TNRC6C: variants seen among roughly 807,000 people sequenced by gnomAD.
The protein encoded by TNRC6C is trinucleotide repeat-containing gene 6C protein.
TNRC6C carries 20 observed loss-of-function variants against 153.7 expected under a neutral mutation model. The ratio of observed to expected loss-of-function variants is 0.13; its 90% CI spans 0.09 to 0.19. TNRC6C has a LOEUF of 0.19. Among genes scored for constraint, TNRC6C ranks in the 10% least tolerant of loss-of-function variants. The probability of loss-of-function intolerance (pLI) is 1.00; values close to 1 mark genes in which losing one functional copy is unlikely to be tolerated. For synonymous variants in TNRC6C, 811 were observed against 841.4 expected, an observed-to-expected ratio of 0.96 and a Z score of 0.63; for missense variants, 1,987 against 2,172.0, an observed-to-expected ratio of 0.91 and a Z score of 1.69.
At chr17:78,091,633 G>A (rs1442456640) in intron 14 of TNRC6C, 26 bp downstream of exon 16, 2 of 1,464,364 alleles carry the variant, frequency 1.4e-6, no homozygotes, top group East Asian at 5.2e-5. Flanking sequence ...GATGCCTGTG[G>A]TGGGATCACT....
intron 2 of TNRC6C, among the ~76,000 whole-genome samples, chr17:78,033,486 A>G (rs2072113975): frequency 6.6e-6 from 1 of 152,198 alleles, no homozygotes; most frequent in South Asian, 2.1e-4. Context: ...CCTGACCAAC[A>G]TGGAGAAACC....
chr17:78,059,673 C>A (rs781321722), intron 3 of TNRC6C, among the ~76,000 whole-genome samples: 1 of 151,882 alleles, frequency 6.6e-6, no homozygotes, highest in Non-Finnish European at 1.5e-5. Flanking sequence ...CCTAGTGAGA[C>A]CCACGTCTCT....
At chr17:77,966,774 G>A (rs1011588508) in intron 1 of TNRC6C, among the ~76,000 whole-genome samples, 2 of 152,096 alleles carry the variant, frequency 1.3e-5, no homozygotes, top group African/African-American at 4.8e-5. Flanking sequence ...AATGAAATCA[G>A]ATTTTCTTAG....
rs768053318 is a variant in TNRC6C at position 78,093,786 on chromosome 17, C to T, written c.4306+23C>T. 8 of 1,613,140 alleles carry T rather than the reference C, an allele frequency of 5.0e-6. No individual in the cohort carries two copies. In the East Asian group the frequency reaches 1.3e-4, roughly 27 times the overall value. On this transcript the variant is annotated intron_variant, in intron 16 of 19. Coordinates refer to ENST00000301624, the Ensembl canonical transcript of TNRC6C. Reference sequence around the variant, plus strand: ...GAGGTGAGGGTGCTGCTCTTCCTGCCTCTGCATGGACGGTCTCTCTAGACC... The same window carrying T: ...GAGGTGAGGGTGCTGCTCTTCCTGCTTCTGCATGGACGGTCTCTCTAGACC...
chr17:77,981,683 A>G (rs906196529), intron 1 of TNRC6C, among the ~76,000 whole-genome samples: 3 of 152,218 alleles, frequency 2.0e-5, no homozygotes, highest in African/African-American at 7.2e-5. Context: ...ATAATGTTCA[A>G]AGACAGCAAA....
At chr17:78,042,764 ATGGTGGTGGTGCTGATGG>A in intron 2 of TNRC6C, among the ~76,000 whole-genome samples, 1 of 151,698 alleles carries the variant, frequency 6.6e-6, no homozygotes, top group African/African-American at 2.4e-5. Flanking sequence ...GGTGGTGATC[ATGGTGGTGGTGCTGATGG>A]TGGTGGTGGT....
At chr17:78,035,065 C>CT (rs748967902) in intron 2 of TNRC6C, among the ~76,000 whole-genome samples, 12 of 152,190 alleles carry the variant, frequency 7.9e-5, no homozygotes, top group Admixed American at 1.3e-4. Context: ...ACTAGTCCTT[C>CT]CATTTCTCAT....
At chr17:77,962,782 T>G (rs922015771) in intron 1 of TNRC6C, among the ~76,000 whole-genome samples, 2 of 152,222 alleles carry the variant, frequency 1.3e-5, no homozygotes, top group African/African-American at 4.8e-5. Flanking sequence ...CTTCAAATAT[T>G]TTAGGTGAGA....
chr17:78,062,511 T>C (rs1015923829), intron 3 of TNRC6C, among the ~76,000 whole-genome samples: 2 of 152,264 alleles, frequency 1.3e-5, no homozygotes, highest in Non-Finnish European at 2.9e-5. Context: ...CACAGTCACA[T>C]GCTTGCTACA....
At chr17:78,019,685 TTAA>T (rs2071796284) in intron 1 of TNRC6C, among the ~76,000 whole-genome samples, 3 of 152,208 alleles carry the variant, frequency 2.0e-5, no homozygotes, top group African/African-American at 7.2e-5. Flanking sequence ...GGTTGCTATC[TTAA>T]TATTTCTTAA....
chr17:78,063,952 T>A (rs1174581164), intron 3 of TNRC6C, among the ~76,000 whole-genome samples: 1 of 152,226 alleles, frequency 6.6e-6, no homozygotes, highest in Non-Finnish European at 1.5e-5. Flanking sequence ...CCCTACTATG[T>A]TGCAAATGCT....
intron 1 of TNRC6C, among the ~76,000 whole-genome samples, chr17:77,998,824 G>A (rs1040266436): frequency 6.6e-6 from 1 of 152,202 alleles, no homozygotes; most frequent in Non-Finnish European, 1.5e-5. Context: ...TTTGTATGAG[G>A]AGATATTTTG....
upstream of TNRC6C, among the ~76,000 whole-genome samples, chr17:77,999,600 A>C (rs866800254): frequency 2.2e-4 from 33 of 152,216 alleles, no homozygotes; most frequent in South Asian, 1.2e-3. Context: ...ATGCTGCGTA[A>C]CAAATACCAC....
exon 3 of TNRC6C, chr17:78,050,437 G>C (rs1342002717): frequency 6.2e-7 from 1 of 1,614,038 alleles, no homozygotes; most frequent in East Asian, 2.2e-5. Flanking sequence ...GCAAAACACT[G>C]CCTGGGAATT....
At chr17:78,107,223 T>TTG (rs1265959304) in exon 20 of TNRC6C, 2 of 152,152 alleles carry the variant, frequency 1.3e-5, no homozygotes, top group Admixed American at 6.5e-5. Flanking sequence ...AAGAATATGT[T>TTG]TGTTTGTTTT....
chr17:78,081,807 C>T (rs1207415628), intron 10 of TNRC6C, among the ~76,000 whole-genome samples: 1 of 152,164 alleles, frequency 6.6e-6, no homozygotes, highest in African/African-American at 2.4e-5. Context: ...CAGCATGTCC[C>T]AAATGGCAAG....
At chr17:78,107,776 G>A (rs566387462) in exon 20 of TNRC6C, 11 of 152,384 alleles carry the variant, frequency 7.2e-5, no homozygotes, top group African/African-American at 2.6e-4. Flanking sequence ...GCAAGAAGAT[G>A]CCGGGGCTTG....
exon 20 of TNRC6C, chr17:78,108,314 G>A (rs2144736564): frequency 6.5e-6 from 1 of 154,676 alleles, no homozygotes; most frequent in African/African-American, 2.4e-5. Flanking sequence ...TTTGGAAATT[G>A]AGAAGGAAAG....
intron 16 of TNRC6C, 41 bp downstream of exon 18, chr17:78,093,804 T>C: frequency 6.2e-7 from 1 of 1,609,820 alleles, no homozygotes; most frequent in South Asian, 1.1e-5. Flanking sequence ...GGACGGTCTC[T>C]CTAGACCCAT....
Sources: gnomAD v4.1 joint callset for allele counts (sites outside exome capture counted in the v4.1 genomes callset) on GRCh38, gnomAD v4.1.1 for gene constraint, MANE v1.5 for transcripts, NCBI Gene and HGNC (gene_info 2026-07-23, HGNC 2026-07-21) for gene names.